TMEM135: variants seen among roughly 807,000 people sequenced by gnomAD.
TMEM135 encodes transmembrane protein 135.
TMEM135 carries 30 observed loss-of-function variants against 60.3 expected under a neutral mutation model. That is an observed-to-expected ratio of 0.50 (90% CI 0.37 to 0.68). The LOEUF is 0.68. Ranked by LOEUF, TMEM135 falls within the 30% of genes least tolerant of loss-of-function variation. The pLI is 0.00. For missense variants in TMEM135, 468 were observed against 548.8 expected (o/e 0.85, Z 1.47); for synonymous variants, 190 against 186.7 (o/e 1.02, Z -0.14).
At chr11:87,102,953 CTG>C (rs1857497783) in intron 4 of TMEM135, among the ~76,000 whole-genome samples, 1 of 152,062 alleles carries the variant, frequency 6.6e-6, no homozygotes, top group South Asian at 2.1e-4. Flanking sequence ...CCCTTGGGCT[CTG>C]TTAACTGCCA....
At chr11:87,064,687 A>C (rs1479051081) in intron 1 of TMEM135, among the ~76,000 whole-genome samples, 1 of 152,210 alleles carries the variant, frequency 6.6e-6, no homozygotes, top group Non-Finnish European at 1.5e-5. Flanking sequence ...GTTCGAGACC[A>C]GCCTGACCAA....
rs182179078 is a variant in TMEM135, at chr11:87,323,343, G to A, written c.*2010G>A. ...GAGTGAATAACCAATTTGCAGTGGT[G>A]GATTGAGAAGTCCAGTTTGATTTCA... On this transcript the variant is annotated 3_prime_UTR_variant, in exon 15 of 15. Coordinates refer to ENST00000305494, the MANE Select transcript of TMEM135 (RefSeq NM_022918.4). 7.5e-5 allele frequency: 34 copies of A among 453,972 alleles called. 1 individual carries two copies. In the East Asian group the frequency reaches 2.1e-3, roughly 28 times the overall value. The allele number at this position is 453,972 out of a possible 1,614,324, so 28.1% of individuals were successfully genotyped here. A position where few individuals can be genotyped will look rare whatever the true frequency, so the allele number is the denominator to read the frequency against.
In TMEM135 at chr11:87,328,820, G is replaced by A. The variant is rs1213896569; in HGVS notation, c.*7487G>A. 1 of 453,902 alleles carries A rather than the reference G, an allele frequency of 2.2e-6. No homozygotes were observed. Among genetic ancestry groups the A allele is most frequent in the South Asian group, 1.6e-5 (1 of 64,486 alleles). The allele number at this position is 453,902 out of a possible 1,614,324, so 28.1% of individuals were successfully genotyped here. A position where few individuals can be genotyped will look rare whatever the true frequency, so the allele number is the denominator to read the frequency against. ...GTTAACAATAAAAATATATATACGA[G>A]TGTCTTTTATGGTAGATCTCCTTTT... On this transcript the variant is annotated 3_prime_UTR_variant, in exon 15 of 15. Coordinates refer to ENST00000305494, the MANE Select transcript of TMEM135 (RefSeq NM_022918.4).
Position 87,170,369 on chromosome 11 carries a change from G to A in TMEM135, c.462+12963G>A, listed in dbSNP as rs546933540. Among the ~76,000 whole-genome samples the A allele has an allele frequency of 2.6e-4, 40 of 152,132 alleles. No homozygotes were observed. In the South Asian group the frequency reaches 6.4e-3, roughly 25 times the overall value. On this transcript the variant is annotated intron_variant, in intron 5 of 14. Coordinates refer to ENST00000305494, the MANE Select transcript of TMEM135 (RefSeq NM_022918.4). ...TCCTTTGGAGGAGAAGAGGCATTCT[G>A]GTTTTTGGAATTTTCAGCCTTTTTG...
intron 1 of TMEM135, among the ~76,000 whole-genome samples, chr11:87,057,579 G>A (rs1475705114): frequency 2.0e-5 from 3 of 152,168 alleles, no homozygotes; most frequent in African/African-American, 7.2e-5. Flanking sequence ...TAACTTCGTG[G>A]CTTGCTGTGG....
At chr11:87,267,312 T>C (rs747036522) in intron 6 of TMEM135, among the ~76,000 whole-genome samples, 5 of 152,090 alleles carry the variant, frequency 3.3e-5, no homozygotes, top group Admixed American at 2.0e-4. Flanking sequence ...TAGGAAAAGA[T>C]AGATTTTGAG....
chr11:87,158,589 G>A (rs933483774), intron 5 of TMEM135, among the ~76,000 whole-genome samples: 12 of 151,036 alleles, frequency 7.9e-5, no homozygotes, highest in Non-Finnish European at 1.8e-4. Context: ...AGCCTCCCAA[G>A]TAGCTGGGAC....
At chr11:87,245,046 T>TGC (rs1398638197) in intron 6 of TMEM135, among the ~76,000 whole-genome samples, 8 of 144,010 alleles carry the variant, frequency 5.6e-5, no homozygotes, top group Non-Finnish European at 1.1e-4. Context: ...TTGTGGTATG[T>TGC]TGTATCTTTG....
chr11:87,265,752 A>G (rs1941735845), intron 6 of TMEM135, among the ~76,000 whole-genome samples: 1 of 152,092 alleles, frequency 6.6e-6, no homozygotes, highest in East Asian at 1.9e-4. Context: ...ACAGGAGCAC[A>G]TGGTATTTTG....
chr11:87,262,198 C>A (rs1172619857), intron 6 of TMEM135, among the ~76,000 whole-genome samples: 1 of 152,100 alleles, frequency 6.6e-6, no homozygotes, highest in Non-Finnish European at 1.5e-5. Context: ...TCTTTGTGCT[C>A]CTGTTCCAGT....
At chr11:87,153,071 G>T (rs187078652) in intron 4 of TMEM135, among the ~76,000 whole-genome samples, 2 of 151,894 alleles carry the variant, frequency 1.3e-5, no homozygotes, top group Admixed American at 1.3e-4. Flanking sequence ...TTAAAATTCC[G>T]TGATGTTTCT....
Position 87,325,584 on chromosome 11 carries a change from T to C in TMEM135, c.*4251T>C, listed in dbSNP as rs1230890003. The C allele has an allele frequency of 2.2e-6, 1 of 453,850 alleles. No individual in the cohort carries two copies. Among genetic ancestry groups the C allele is most frequent in the Non-Finnish European group, 4.4e-6 (1 of 226,792 alleles). The allele number at this position is 453,850 out of a possible 1,614,324, so 28.1% of individuals were successfully genotyped here. On this transcript the variant is annotated 3_prime_UTR_variant, in exon 15 of 15. Coordinates refer to ENST00000305494, the MANE Select transcript of TMEM135 (RefSeq NM_022918.4). ...CCATTCTCTGCTTGCTGGTGTTACTTTATGTTAACTAGTCTCCTTGGACTT... is the reference window on the plus strand; with the variant it reads ...CCATTCTCTGCTTGCTGGTGTTACTCTATGTTAACTAGTCTCCTTGGACTT...
At chr11:87,126,488 A>T (rs117853752) in intron 4 of TMEM135, among the ~76,000 whole-genome samples, 5,012 of 151,968 alleles carry the variant, frequency 0.033, 180 homozygotes, top group Non-Finnish European at 0.044. Context: ...TTAACTTTCT[A>T]GCAAAAAATT....
Position 87,309,675 on chromosome 11 carries a change from A to G in TMEM135, c.936+3A>G. The G allele has an allele frequency of 1.2e-6, 2 of 1,613,044 alleles. No individual in the cohort carries two copies. The highest frequency in any genetic ancestry group is 1.1e-5 in the South Asian group (1 of 91,066). ...GCTCTTTTGTTAGTATATACAAGGT[A>G]AGGCTTTTAGAAGAGGAAAGAAAAA... On this transcript the variant is annotated splice_donor_region_variant and intron_variant, in intron 10 of 14. Transcript: ENST00000305494.
Position 87,071,087 on chromosome 11 carries a change from A to C in TMEM135, c.270-436A>C, listed in dbSNP as rs377172397. On this transcript the variant is annotated intron_variant, in intron 2 of 14. Transcript: ENST00000305494. ...CAGGTTTGGATCCAGGGAATGCCTG[A>C]ATGAATGTGGCCGGCTGTTACTGAA... 2.0e-5 allele frequency among the ~76,000 whole-genome samples: 3 copies of C among 152,338 alleles called. No individual in the cohort carries two copies. The South Asian group carries it at 6.2e-4, about 32-fold the overall frequency.
intron 5 of TMEM135, among the ~76,000 whole-genome samples, chr11:87,210,311 A>G (rs1164657309): frequency 6.6e-6 from 1 of 152,122 alleles, no homozygotes; most frequent in Admixed American, 6.5e-5. Context: ...AATAAACACA[A>G]TCCGAAGTGA....
intron 5 of TMEM135, among the ~76,000 whole-genome samples, chr11:87,178,214 C>G (rs1265185710): frequency 2.6e-5 from 4 of 151,908 alleles, no homozygotes; most frequent in East Asian, 1.9e-4. Flanking sequence ...TGACCAGTCC[C>G]TAGCTGGAAG....
At chr11:87,229,307 T>G (rs1940835944) in intron 5 of TMEM135, among the ~76,000 whole-genome samples, 1 of 152,010 alleles carries the variant, frequency 6.6e-6, no homozygotes, top group Non-Finnish European at 1.5e-5. Context: ...GAAAAAGTAG[T>G]TTAACCAACC....
intron 6 of TMEM135, among the ~76,000 whole-genome samples, chr11:87,258,014 A>G (rs374450824): frequency 3.9e-5 from 6 of 152,100 alleles, no homozygotes; most frequent in African/African-American, 1.4e-4. Flanking sequence ...GTCCCTTTCT[A>G]AGAATACATT....
Sources: gnomAD v4.1 joint callset for allele counts (sites outside exome capture counted in the v4.1 genomes callset) on GRCh38, gnomAD v4.1.1 for gene constraint, MANE v1.5 for transcripts, NCBI Gene and HGNC (gene_info 2026-07-23, HGNC 2026-07-21) for gene names.